RNPS1: variants seen among roughly 807,000 people sequenced by gnomAD.
RNPS1 encodes RNA binding protein with serine rich domain 1, also known as RNA-binding protein with serine-rich domain 1.
For synonymous variants in RNPS1, 147 were observed against 150.0 expected (o/e 0.98, Z 0.15); for missense variants, 300 against 427.6 (o/e 0.70, Z 2.63).
Position 2,253,845 on chromosome 16 carries a change from C to T in RNPS1, c.*119G>A, listed in dbSNP as rs989440277. 5 of 920,718 alleles carry T rather than the reference C, an allele frequency of 5.4e-6. No homozygotes were observed. Among genetic ancestry groups the T allele is most frequent in the Non-Finnish European group, 7.0e-6 (4 of 570,932 alleles). 57.0% of individuals were successfully genotyped at this position (920,718 alleles called of 1,614,324 possible). A position where few individuals can be genotyped will look rare whatever the true frequency, so the allele number is the denominator to read the frequency against. Reference sequence around the variant, plus strand: ...CTGGCAGAGGGGTGCTGCCTGCTGCCTGCAAATCCTGCCAGAGTCAAGGGT... The same window carrying T: ...CTGGCAGAGGGGTGCTGCCTGCTGCTTGCAAATCCTGCCAGAGTCAAGGGT... On this transcript the variant is annotated 3_prime_UTR_variant, in exon 8 of 8. Coordinates refer to ENST00000320225, the MANE Select transcript of RNPS1 (RefSeq NM_080594.4).
intron 1 of RNPS1, chr16:2,265,458 A>C (rs1288886798): frequency 6.6e-6 from 1 of 151,960 alleles, no homozygotes; most frequent in African/African-American, 2.4e-5. Flanking sequence ...ATATAGCAGA[A>C]ACGTAACTTA....
intron 3 of RNPS1, 161 bp downstream of exon 3, chr16:2,264,015 C>A: frequency 4.8e-6 from 4 of 832,948 alleles, no homozygotes; most frequent in Non-Finnish European, 7.3e-6. Flanking sequence ...TAGGCATGAG[C>A]CACCACTGCA....
chr16:2,267,640 G>C (rs1308550431), intron 1 of RNPS1: 55 of 1,082,416 alleles, frequency 5.1e-5, no homozygotes, highest in Non-Finnish European at 5.9e-5. Context: ...CGACCTCGCC[G>C]CTACCCGTCC....
chr16:2,267,262 A>C (rs2141597318), intron 1 of RNPS1: 1 of 985,350 alleles, frequency 1.0e-6, no homozygotes, highest in Non-Finnish European at 1.2e-6. Context: ...AGGAGAGAAC[A>C]ATTAGTTAAA....
At chr16:2,256,535 GCAA>G (rs1301450247) in intron 6 of RNPS1, 2 of 152,282 alleles carry the variant, frequency 1.3e-5, no homozygotes, top group Non-Finnish European at 1.5e-5. Context: ...TCTAGCCTGG[GCAA>G]CAACTGAGAC....
intron 6 of RNPS1, chr16:2,256,893 G>A (rs1349325669): frequency 6.6e-6 from 1 of 152,306 alleles, no homozygotes; most frequent in African/African-American, 2.4e-5. Context: ...GAAGGATTCA[G>A]GGGACAGCTG....
intron 5 of RNPS1, 64 bp from the exon 6 acceptor site, chr16:2,262,495 C>T (rs1251667802): frequency 5.7e-6 from 9 of 1,566,186 alleles, no homozygotes; most frequent in African/African-American, 1.4e-5. Context: ...ACGCAGAGAG[C>T]TCAGCACATC....
At chr16:2,258,920 C>T (rs943643614) in intron 6 of RNPS1, among the ~76,000 whole-genome samples, 3 of 151,548 alleles carry the variant, frequency 2.0e-5, no homozygotes, top group Non-Finnish European at 4.4e-5. Flanking sequence ...GTCTGGAGTT[C>T]AAGACCAACC....
intron 7 of RNPS1, 28 bp from the exon 8 acceptor site, chr16:2,254,091 A>C: frequency 7.0e-7 from 1 of 1,436,972 alleles, no homozygotes; most frequent in Non-Finnish European, 9.2e-7. Context: ...ACCACATCAG[A>C]GTAGCTCAGG....
At chr16:2,266,803 G>A (rs1567330328) in intron 1 of RNPS1, 1 of 661,050 alleles carries the variant, frequency 1.5e-6, no homozygotes, top group East Asian at 1.4e-4. Flanking sequence ...TTTAACGTTT[G>A]ACACATCCAA....
intron 6 of RNPS1, chr16:2,256,150 A>G (rs997027425): frequency 4.9e-6 from 1 of 203,416 alleles, no homozygotes; most frequent in Non-Finnish European, 1.0e-5. Context: ...AATCACAGAA[A>G]TAACATCATG....
At chr16:2,259,104 C>T (rs1278330285) in intron 6 of RNPS1, among the ~76,000 whole-genome samples, 2 of 102,000 alleles carry the variant, frequency 2.0e-5, no homozygotes, top group East Asian at 2.7e-4. Flanking sequence ...GCCTGGGCAA[C>T]AAGAGCAGAA....
At chr16:2,266,649 T>C in intron 1 of RNPS1, 1 of 985,450 alleles carries the variant, frequency 1.0e-6, no homozygotes, top group Non-Finnish European at 1.2e-6. Flanking sequence ...GTTACACTAA[T>C]TTCTGAACTC....
rs1294748521 is a variant in RNPS1, at chr16:2,254,012, C to T, written c.870G>A (p.Pro290=). Residue 290 remains proline, a synonymous_variant, in exon 8 of 8, where the codon CCG becomes CCA. Transcript: ENST00000320225. ...AGCGGCTCCTGTGGCGGCGGCGGCC[C>T]GGGGACCGTGATCTCCGGCGCACGG... The part of the protein sequence containing the change: ...RSPVRRRSRS[P]GRRRHRSRSS... 2.6e-5 allele frequency: 39 copies of T among 1,528,110 alleles called. No individual in the cohort carries two copies. In the South Asian group the frequency reaches 3.6e-4, roughly 14 times the overall value. The allele number at this position is 1,528,110 out of a possible 1,614,324, so 94.7% of individuals were successfully genotyped here. A position where few individuals can be genotyped will look rare whatever the true frequency, so the allele number is the denominator to read the frequency against.
At chr16:2,257,181 C>G (rs2093582578) in intron 6 of RNPS1, 3 of 152,230 alleles carry the variant, frequency 2.0e-5, no homozygotes, top group Non-Finnish European at 1.5e-5. Context: ...CCAGGAACCC[C>G]AGGGGAGCAT....
chr16:2,253,472 T>C lies in RNPS1; in HGVS notation c.*492A>G. On this transcript the variant is annotated 3_prime_UTR_variant, in exon 8 of 8. Transcript: ENST00000320225. ...AGCAACTACCATGGGTGAGAGGATC[T>C]TTGAGGGGGTGTGACCCTTGAGGTC... 4.6e-6 allele frequency: 1 copy of C among 215,958 alleles called. No individual in the cohort carries two copies. The highest frequency in any genetic ancestry group is 9.4e-6 in the Non-Finnish European group (1 of 106,830). 13.4% of individuals were successfully genotyped at this position (215,958 alleles called of 1,614,324 possible).
chr16:2,266,213 C>T (rs1331632356), intron 1 of RNPS1: 3 of 985,320 alleles, frequency 3.0e-6, no homozygotes, highest in African/African-American at 1.7e-5. Flanking sequence ...GCTGAAAATA[C>T]GTTCTGACCC....
At chr16:2,261,727 C>G (rs780989973) in intron 6 of RNPS1, among the ~76,000 whole-genome samples, 1 of 152,220 alleles carries the variant, frequency 6.6e-6, no homozygotes, top group East Asian at 1.9e-4. Flanking sequence ...ACGAAGAATA[C>G]GTCAGGACCC....
chr16:2,266,600 G>C, intron 1 of RNPS1: 2 of 985,236 alleles, frequency 2.0e-6, no homozygotes, highest in Non-Finnish European at 2.4e-6. Flanking sequence ...GTATCTCCAC[G>C]TCCGGAGGCT....
Sources: gnomAD v4.1 joint callset for allele counts (sites outside exome capture counted in the v4.1 genomes callset) on GRCh38, gnomAD v4.1.1 for gene constraint, MANE v1.5 for transcripts, NCBI Gene and HGNC (gene_info 2026-07-23, HGNC 2026-07-21) for gene names.